The following LRRC37A2 variants were observed in gnomAD, a reference collection of about 807,000 sequenced individuals.
LRRC37A2 encodes the protein leucine-rich repeat-containing protein 37A2.
A neutral mutation model predicts 68.8 loss-of-function variants in LRRC37A2; 9 were observed. The ratio of observed to expected loss-of-function variants is 0.13; its 90% CI spans 0.08 to 0.23. The LOEUF is 0.23. LRRC37A2 is among the 10% of genes least tolerant of loss of function. The probability of loss-of-function intolerance (pLI) is 1.00; values close to 1 mark genes in which losing one functional copy is unlikely to be tolerated. For missense variants in LRRC37A2, 168 were observed against 950.4 expected (o/e 0.18, Z 10.82); for synonymous variants, 63 against 367.6 (o/e 0.17, Z 9.48).
At chr17:46,735,584 A>G in the LRRC37A2 span, among the ~76,000 whole-genome samples, 1 of 152,122 alleles carries the variant, frequency 6.6e-6, no homozygotes, top group Non-Finnish European at 1.5e-5. Flanking sequence ...ATAATTCCTC[A>G]TGTGTTACCT....
At chr17:46,382,162 C>G in the LRRC37A2 span, among the ~76,000 whole-genome samples, 19 of 147,346 alleles carry the variant, frequency 1.3e-4, no homozygotes, top group Non-Finnish European at 1.8e-4. Context: ...CCTGTAATCC[C>G]AGCTACTCGA....
chr17:46,802,378 G>A, the LRRC37A2 span, among the ~76,000 whole-genome samples: 1 of 152,174 alleles, frequency 6.6e-6, no homozygotes, highest in Non-Finnish European at 1.5e-5. Context: ...CGATTCTCCT[G>A]CCTCAGCCTC....
At chr17:46,936,979 A>G in the LRRC37A2 span, 9 of 241,976 alleles carry the variant, frequency 3.7e-5, no homozygotes, top group Non-Finnish European at 6.0e-5. Context: ...AAAAAAAAAA[A>G]AGGATATGGG....
chr17:46,691,491 A>G, the LRRC37A2 span, among the ~76,000 whole-genome samples: 1 of 136,620 alleles, frequency 7.3e-6, no homozygotes, highest in Non-Finnish European at 1.6e-5. Flanking sequence ...GCTACTCAGG[A>G]AGCTGAGACA....
At chr17:46,516,220 A>G (rs76211867) in intron 2 of LRRC37A2, among the ~76,000 whole-genome samples, 4,055 of 126,390 alleles carry the variant, frequency 0.032, 126 homozygotes, top group Non-Finnish European at 0.056. Flanking sequence ...GGAGAATGGC[A>G]TGAACCTGGG....
the LRRC37A2 span, among the ~76,000 whole-genome samples, chr17:46,856,797 T>C: frequency 6.6e-6 from 1 of 152,238 alleles, no homozygotes; most frequent in Non-Finnish European, 1.5e-5. Flanking sequence ...GCATGCATTT[T>C]AAATTGCACA....
At chr17:46,679,729 A>G in the LRRC37A2 span, among the ~76,000 whole-genome samples, 1 of 152,006 alleles carries the variant, frequency 6.6e-6, no homozygotes, top group South Asian at 2.1e-4. Flanking sequence ...GTTAGTTAAC[A>G]TTAAGTCAAA....
At chr17:46,860,428 T>C in the LRRC37A2 span, among the ~76,000 whole-genome samples, 1 of 152,126 alleles carries the variant, frequency 6.6e-6, no homozygotes, top group South Asian at 2.1e-4. Flanking sequence ...GGCCCTGTTA[T>C]AGTGTAAGGG....
At chr17:46,771,928 C>A in the LRRC37A2 span, among the ~76,000 whole-genome samples, 1 of 145,958 alleles carries the variant, frequency 6.9e-6, no homozygotes, top group East Asian at 2.0e-4. Flanking sequence ...GCCTCGGGCC[C>A]GCCGCGCCGC....
chr17:46,971,979 G>A, the LRRC37A2 span, among the ~76,000 whole-genome samples: 2,625 of 152,330 alleles, frequency 0.017, 34 homozygotes, highest in Non-Finnish European at 0.028. Flanking sequence ...GCCAGGCCTG[G>A]GGCTGGTGGG....
chr17:46,851,563 C>T, the LRRC37A2 span: 3 of 841,160 alleles, frequency 3.6e-6, no homozygotes, highest in Non-Finnish European at 4.7e-6. This position sits in a 1 kb window ranked among gnomAD's most constrained non-coding sequence, Gnocchi z 4.3. Context: ...GTTTAAAGTC[C>T]CGCGGGCGGG....
chr17:46,746,748 GGCCTTGAACACAAATGACTT>G, the LRRC37A2 span, among the ~76,000 whole-genome samples: 2 of 152,080 alleles, frequency 1.3e-5, no homozygotes, highest in South Asian at 2.1e-4. Context: ...TTGGTTATTT[GGCCTTGAACACAAATGACTT>G]GCCTTGAACA....
At chr17:46,924,960 C>A in the LRRC37A2 span, among the ~76,000 whole-genome samples, 60 of 152,200 alleles carry the variant, frequency 3.9e-4, no homozygotes, top group African/African-American at 1.4e-3. Flanking sequence ...TCAAGAATAA[C>A]TTTATTTAGA....
the LRRC37A2 span, among the ~76,000 whole-genome samples, chr17:46,568,812 TAGAG>T: frequency 2.7e-4 from 27 of 101,294 alleles, no homozygotes; most frequent in African/African-American, 1.2e-3. Flanking sequence ...AAAAAAGGCA[TAGAG>T]AAAGAACAAC....
At chr17:46,929,385 A>C in the LRRC37A2 span, 1 of 700,532 alleles carries the variant, frequency 1.4e-6, no homozygotes, top group Non-Finnish European at 2.6e-6. Context: ...CTAAAGTGCC[A>C]CATACAAATT....
chr17:46,454,074 T>G, the LRRC37A2 span, among the ~76,000 whole-genome samples: 1 of 90,310 alleles, frequency 1.1e-5, no homozygotes, highest in South Asian at 5.7e-4. Flanking sequence ...TAAATTTAGT[T>G]CAAAACACAT....
At chr17:46,885,257 C>A in the LRRC37A2 span, 209 of 295,356 alleles carry the variant, frequency 7.1e-4, 3 homozygotes, top group Middle Eastern at 0.011. Flanking sequence ...CCACCCGCCT[C>A]GGCCTCCCAA....
chr17:46,874,001 A>AT, the LRRC37A2 span, among the ~76,000 whole-genome samples: 1 of 151,628 alleles, frequency 6.6e-6, no homozygotes, highest in African/African-American at 2.4e-5. Context: ...AAAAAAAAAA[A>AT]AAAAAATGCA....
the LRRC37A2 span, among the ~76,000 whole-genome samples, chr17:46,779,196 C>A: frequency 6.6e-6 from 1 of 152,104 alleles, no homozygotes; most frequent in Non-Finnish European, 1.5e-5. Context: ...AAAGGACGAG[C>A]CTGATGCCCC....
Sources: allele counts gnomAD v4.1 joint callset (sites outside exome capture counted in the v4.1 genomes callset), GRCh38; gene constraint gnomAD v4.1.1; non-coding constraint Gnocchi (gnomAD v3.1); transcripts MANE v1.5; gene names NCBI Gene and HGNC (gene_info 2026-07-23, HGNC 2026-07-21).